The following SYCP2L variants were observed in gnomAD, a reference collection of about 807,000 sequenced individuals.
SYCP2L encodes synaptonemal complex protein 2-like.
A neutral mutation model predicts 125.8 loss-of-function variants in SYCP2L; 98 were observed. The observed-to-expected ratio is 0.78, with a 90% CI of 0.66 to 0.92. SYCP2L has a LOEUF of 0.92. Among genes scored for constraint, SYCP2L ranks in the 40% least tolerant of loss-of-function variants. The pLI, the probability that SYCP2L is intolerant of heterozygous loss-of-function variation, is 0.00. For synonymous variants in SYCP2L, 317 were observed against 325.4 expected (o/e 0.97, Z 0.28); for missense variants, 842 against 936.4 (o/e 0.90, Z 1.32).
intron 21 of SYCP2L, among the ~76,000 whole-genome samples, chr6:10,936,490 GA>G (rs143899267): frequency 4.0e-5 from 6 of 148,612 alleles, no homozygotes; most frequent in Admixed American, 1.3e-4. Flanking sequence ...ATCTCACAAA[GA>G]AAAAAAAATA....
chr6:10,910,704 G>A (rs1780591782), intron 11 of SYCP2L, 120 bp from the exon 12 acceptor site: 1 of 1,049,482 alleles, frequency 9.5e-7, no homozygotes, highest in Non-Finnish European at 1.5e-6. Flanking sequence ...ACCCCCTATT[G>A]TACTCTGTAC....
rs181948906 is a variant in SYCP2L, at chr6:10,912,147, A to T, written c.919-526A>T. The stretch of plus-strand genomic sequence containing the variant: ...GGCAGAGAAGATGTTTACTGTTTCT[A>T]TAAACACCATACTGTTAGAATCTTT... On this transcript the variant is annotated intron_variant, in intron 12 of 29. Coordinates refer to ENST00000283141, the MANE Select transcript of SYCP2L (RefSeq NM_001040274.3). The surrounding 1 kb of genome is among the most constrained non-coding windows in gnomAD (Gnocchi z 4.1). Among the ~76,000 whole-genome samples the T allele has an allele frequency of 6.6e-6, 1 of 152,094 alleles. No individual in the cohort carries two copies. The highest frequency in any genetic ancestry group is 1.5e-5 in the Non-Finnish European group (1 of 68,006).
intron 29 of SYCP2L, among the ~76,000 whole-genome samples, chr6:10,969,742 G>A (rs1049978570): frequency 1.3e-5 from 2 of 151,992 alleles, no homozygotes; most frequent in African/African-American, 4.8e-5. Context: ...ATCATAATAG[G>A]GAGATAATGG....
intron 29 of SYCP2L, among the ~76,000 whole-genome samples, chr6:10,966,887 G>C (rs950868499): frequency 1.3e-5 from 2 of 152,110 alleles, no homozygotes; most frequent in African/African-American, 2.4e-5. Context: ...CCAATTCATA[G>C]AGGCCTTAAA....
intron 4 of SYCP2L, among the ~76,000 whole-genome samples, chr6:10,895,081 G>A (rs185369382): frequency 2.0e-5 from 3 of 152,264 alleles, no homozygotes; most frequent in East Asian, 1.9e-4. Flanking sequence ...TGTTTGCAGG[G>A]GGAATTAAGG....
intron 23 of SYCP2L, among the ~76,000 whole-genome samples, chr6:10,944,473 G>C (rs1781275965): frequency 6.6e-6 from 1 of 151,952 alleles, no homozygotes; most frequent in African/African-American, 2.4e-5. Flanking sequence ...TTCTCTCTCT[G>C]TATAATCTGT....
intron 4 of SYCP2L, among the ~76,000 whole-genome samples, chr6:10,894,603 T>G (rs1253541679): frequency 1.3e-5 from 2 of 152,196 alleles, no homozygotes; most frequent in African/African-American, 4.8e-5. Context: ...TTGTAACACC[T>G]CACTTTATCC....
At chr6:10,899,375 C>T (rs546167654) in intron 6 of SYCP2L, among the ~76,000 whole-genome samples, 2 of 152,118 alleles carry the variant, frequency 1.3e-5, no homozygotes, top group African/African-American at 2.4e-5. Flanking sequence ...TAGTGAGACC[C>T]CCATCTCTAC....
At chr6:10,913,894 C>T (rs897296915) in intron 14 of SYCP2L, among the ~76,000 whole-genome samples, 17 of 151,532 alleles carry the variant, frequency 1.1e-4, no homozygotes, top group Non-Finnish European at 1.2e-4. Context: ...TGCAATGGCG[C>T]GATCTTGGCT....
chr6:10,959,894 AAAAG>A (rs1781569624), intron 26 of SYCP2L, among the ~76,000 whole-genome samples: 1 of 151,820 alleles, frequency 6.6e-6, no homozygotes, highest in East Asian at 1.9e-4. Context: ...AGAAAGAAAG[AAAAG>A]AAAACACCAT....
intron 14 of SYCP2L, among the ~76,000 whole-genome samples, chr6:10,918,660 C>A (rs1284034192): frequency 6.6e-6 from 1 of 152,034 alleles, no homozygotes; most frequent in Non-Finnish European, 1.5e-5. Context: ...CCTCAGCCTC[C>A]CGAGTAGCTG....
At chr6:10,942,769 T>G in intron 23 of SYCP2L, 23 bp downstream of exon 23, 3 of 1,583,138 alleles carry the variant, frequency 1.9e-6, no homozygotes, top group Non-Finnish European at 2.6e-6. Flanking sequence ...TACTTTTTTT[T>G]TTTTTTTTGC....
At chr6:10,924,385 A>G in intron 14 of SYCP2L, 111 bp from the exon 15 acceptor site, 2 of 910,256 alleles carry the variant, frequency 2.2e-6, no homozygotes, top group Non-Finnish European at 3.0e-6. Context: ...CAACTTCTTA[A>G]CACAGAAAAA....
At chr6:10,900,708 A>G (rs1194587947) in intron 6 of SYCP2L, among the ~76,000 whole-genome samples, 1 of 152,116 alleles carries the variant, frequency 6.6e-6, no homozygotes, top group African/African-American at 2.4e-5. Context: ...CACACTCGTG[A>G]CCTCATCTGA....
intron 25 of SYCP2L, 87 bp from the exon 26 acceptor site, chr6:10,958,697 T>C: frequency 8.2e-7 from 1 of 1,225,414 alleles, no homozygotes; most frequent in Non-Finnish European, 1.2e-6. Context: ...TATTACATGC[T>C]GGCAGCATCT....
intron 4 of SYCP2L, 117 bp from the exon 5 acceptor site, chr6:10,897,894 T>G: frequency 1.4e-6 from 1 of 712,010 alleles, no homozygotes; most frequent in Non-Finnish European, 2.4e-6. Flanking sequence ...TGAAATGGAA[T>G]GGAATGGGAA....
intron 29 of SYCP2L, among the ~76,000 whole-genome samples, chr6:10,973,023 G>A (rs1038192702): frequency 7.2e-5 from 11 of 152,208 alleles, no homozygotes; most frequent in African/African-American, 2.7e-4. Flanking sequence ...GGAAACAGGG[G>A]AGAATAGGTG....
At chr6:10,896,834 G>C (rs1780266910) in intron 4 of SYCP2L, among the ~76,000 whole-genome samples, 1 of 152,130 alleles carries the variant, frequency 6.6e-6, no homozygotes, top group Non-Finnish European at 1.5e-5. Flanking sequence ...TCAGCAGTGG[G>C]GGATGTTTCC....
intron 20 of SYCP2L, among the ~76,000 whole-genome samples, chr6:10,933,012 C>T (rs1463589461): frequency 6.6e-6 from 1 of 152,184 alleles, no homozygotes; most frequent in Non-Finnish European, 1.5e-5. Context: ...CCTTGGCCTC[C>T]CAAAGTGCTG....
Sources: gnomAD v4.1 joint callset for allele counts (sites outside exome capture counted in the v4.1 genomes callset) on GRCh38, gnomAD v4.1.1 for gene constraint, Gnocchi (gnomAD v3.1) non-coding constraint, MANE v1.5 for transcripts, NCBI Gene and HGNC (gene_info 2026-07-23, HGNC 2026-07-21) for gene names.